The following SNX2 variants were observed in gnomAD, a reference collection of about 807,000 sequenced individuals.
SNX2 encodes sorting nexin 2.
Under a neutral mutation model 69.9 loss-of-function variants are expected in SNX2, and 25 were observed. That is an observed-to-expected ratio of 0.36 (90% CI 0.26 to 0.50). The LOEUF (loss-of-function observed/expected upper bound fraction) is 0.50. SNX2 is among the 20% of genes least tolerant of loss of function. The pLI, the probability that SNX2 is intolerant of heterozygous loss-of-function variation, is 0.97. For synonymous variants in SNX2, 229 were observed against 200.4 expected (o/e 1.14, Z -1.20); for missense variants, 551 against 613.3 (o/e 0.90, Z 1.07).
chr5:122,790,717 G>C (rs530985487), intron 1 of SNX2, among the ~76,000 whole-genome samples: 1 of 152,318 alleles, frequency 6.6e-6, no homozygotes, highest in African/African-American at 2.4e-5. Flanking sequence ...GTAGAAGATA[G>C]GGGAATTGGC....
In SNX2 at chr5:122,808,460, A is replaced by G. The variant is rs1581638439; in HGVS notation, c.722+105A>G. 5.2e-6 allele frequency: 4 copies of G among 772,184 alleles called. 1 individual carries two copies. The highest frequency in any genetic ancestry group is 2.8e-4 in the Middle Eastern group (1 of 3,510). 47.8% of individuals were successfully genotyped at this position (772,184 alleles called of 1,614,324 possible). A position where few individuals can be genotyped will look rare whatever the true frequency, so the allele number is the denominator to read the frequency against. Reference sequence around the variant, plus strand: ...TGTTTTAATGATTAAATTTTTTCCAAAGTACCACTTGGTGGCTTTTAAGAC... The same window carrying G: ...TGTTTTAATGATTAAATTTTTTCCAGAGTACCACTTGGTGGCTTTTAAGAC... On this transcript the variant is annotated intron_variant, in intron 7 of 14. Transcript: ENST00000379516.
At chr5:122,782,331 C>T (rs913129013) in intron 1 of SNX2, among the ~76,000 whole-genome samples, 20 of 151,620 alleles carry the variant, frequency 1.3e-4, no homozygotes, top group East Asian at 7.7e-4. Context: ...CTCCACCTCC[C>T]GGGTTCAAAA....
intron 11 of SNX2, among the ~76,000 whole-genome samples, chr5:122,822,516 ATAGT>A (rs1754047081): frequency 6.6e-6 from 1 of 152,194 alleles, no homozygotes; most frequent in Non-Finnish European, 1.5e-5. Context: ...TTTTCTGATG[ATAGT>A]TCTTCAAATT....
At chr5:122,801,690 T>TGTGTGTGTGTGTGTGTGTG (rs1554062722) in intron 3 of SNX2, among the ~76,000 whole-genome samples, 179 bp from the exon 4 acceptor site, 2 of 150,452 alleles carry the variant, frequency 1.3e-5, no homozygotes, top group African/African-American at 4.9e-5. Context: ...TGTGTGTGTG[T>TGTGTGTGTGTGTGTGTGTG]TTTATTTATA....
chr5:122,806,142 G>GCGCACGCGCGCGCA, intron 6 of SNX2, among the ~76,000 whole-genome samples: 1 of 130,584 alleles, frequency 7.7e-6, no homozygotes, highest in African/African-American at 2.9e-5. Context: ...ACACGCGCGC[G>GCGCACGCGCGCGCA]CACACACACA....
chr5:122,785,647 G>A (rs956643739), intron 1 of SNX2, among the ~76,000 whole-genome samples: 12 of 152,108 alleles, frequency 7.9e-5, no homozygotes, highest in Non-Finnish European at 1.5e-4. Context: ...TGATCTATGA[G>A]TTATTTAGAA....
rs1223902644 is a variant in SNX2 at position 122,803,357 on chromosome 5, C to T, written c.502-115C>T. On this transcript the variant is annotated intron_variant, in intron 5 of 14. Coordinates refer to ENST00000379516, the MANE Select transcript of SNX2 (RefSeq NM_003100.4). ...ACCTATATACCACATTAGTTAGATA[C>T]TCTGCATTCTTTTGCAAAGTAGATA... The T allele has an allele frequency of 4.3e-6, 4 of 928,732 alleles. No homozygotes were observed. In the East Asian group the frequency reaches 1.1e-4, roughly 25 times the overall value. 57.5% of individuals were successfully genotyped at this position (928,732 alleles called of 1,614,324 possible).
intron 7 of SNX2, among the ~76,000 whole-genome samples, chr5:122,810,312 A>T (rs936883899): frequency 2.0e-5 from 3 of 146,820 alleles, no homozygotes; most frequent in African/African-American, 7.7e-5. Flanking sequence ...ACCTTTGTTC[A>T]CTTGTTTATC....
intron 10 of SNX2, among the ~76,000 whole-genome samples, chr5:122,817,726 T>G (rs552685507): frequency 3.0e-4 from 45 of 152,274 alleles, no homozygotes; most frequent in Middle Eastern, 3.4e-3. Flanking sequence ...AGAGGTCTTA[T>G]CAATTAGTAA....
chr5:122,824,268 T>TA (rs1354088745), intron 11 of SNX2, among the ~76,000 whole-genome samples: 1 of 151,394 alleles, frequency 6.6e-6, no homozygotes, highest in Non-Finnish European at 1.5e-5. Context: ...AGCTCATCAC[T>TA]TAGTGTTAGT....
chr5:122,792,884 A>G (rs1208324898), intron 1 of SNX2, among the ~76,000 whole-genome samples: 1 of 152,212 alleles, frequency 6.6e-6, no homozygotes, highest in African/African-American at 2.4e-5. Context: ...ATTGCTCACC[A>G]TCATTACTTA....
At chr5:122,811,908 A>G (rs10057936) in intron 7 of SNX2, among the ~76,000 whole-genome samples, 60,559 of 151,908 alleles carry the variant, frequency 0.4, 12,652 homozygotes, top group African/African-American at 0.49. Flanking sequence ...TAAAAATCCA[A>G]CTGGCCTAAA....
chr5:122,780,429 T>A (rs1197701906), intron 1 of SNX2, among the ~76,000 whole-genome samples: 1 of 152,152 alleles, frequency 6.6e-6, no homozygotes, highest in Admixed American at 6.5e-5. Context: ...TTTGAGGCCC[T>A]GAAAGTGGTT....
In SNX2 at chr5:122,799,749, A is replaced by G. The variant is rs141745241; in HGVS notation, c.284A>G (p.Glu95Gly). The G allele has an allele frequency of 7.4e-4, 1,195 of 1,613,600 alleles. 1 individual carries two copies. The highest frequency in any genetic ancestry group is 9.6e-4 in the Non-Finnish European group (1,135 of 1,179,668). Reference protein sequence around the residue: ...SPEREPILSSEPSPAVTPVTP... With the variant: ...SPEREPILSSGPSPAVTPVTP... ...GAAAGGGAACCTATCCTATCCTCGG[A>G]ACCTTCTCCTGCAGTCACACCTGTC... is the stretch of plus-strand genomic sequence containing the variant. The change falls in exon 3 of 15, where the codon GAA (glutamate) becomes GGA (glycine). Residue 95 changes from glutamate (E) to glycine (G), a missense_variant. Glu to Gly is a moderately conservative substitution (Grantham distance 98). Transcript: ENST00000379516.
At chr5:122,814,515 C>T (rs1753856841) in intron 7 of SNX2, among the ~76,000 whole-genome samples, 1 of 152,034 alleles carries the variant, frequency 6.6e-6, no homozygotes, top group Non-Finnish European at 1.5e-5. Context: ...CAGAAGTTAA[C>T]ATTTTGATAC....
intron 1 of SNX2, among the ~76,000 whole-genome samples, chr5:122,780,758 C>T (rs918925791): frequency 2.0e-5 from 3 of 151,714 alleles, no homozygotes; most frequent in East Asian, 1.9e-4. Flanking sequence ...TTAGTGGAGA[C>T]GAGGTTTCAC....
Position 122,833,136 on chromosome 5 carries a change from T to A in SNX2, c.*3488T>A, listed in dbSNP as rs1754330147. On this transcript the variant is annotated 3_prime_UTR_variant, in exon 15 of 15. Transcript: ENST00000379516. ...CCTCCCTTCGACACACACTTCCTTA[T>A]GTAAAATCAGAATCAAATAATTATC... is the stretch of plus-strand genomic sequence containing the variant. 6.6e-6 allele frequency: 1 copy of A among 152,188 alleles called. No individual in the cohort carries two copies. The highest frequency in any genetic ancestry group is 1.5e-5 in the Non-Finnish European group (1 of 68,048). The allele number at this position is 152,188 out of a possible 1,614,324, so 9.4% of individuals were successfully genotyped here.
chr5:122,831,916 T>G lies in SNX2; in HGVS notation c.*2268T>G, dbSNP rs1486964518. 6.6e-6 allele frequency among the ~76,000 whole-genome samples: 1 copy of G among 152,188 alleles called. No individual in the cohort carries two copies. The highest frequency in any genetic ancestry group is 1.5e-5 in the Non-Finnish European group (1 of 68,026). On this transcript the variant is annotated 3_prime_UTR_variant, in exon 15 of 15. Transcript: ENST00000379516. ...TCCCTTGCCCACATTTACTAAAAGA[T>G]GAGTGTGCTGGAAATTTCAAGTATT...
At chr5:122,805,387 A>C (rs1753619628) in intron 6 of SNX2, among the ~76,000 whole-genome samples, 1 of 151,948 alleles carries the variant, frequency 6.6e-6, no homozygotes, top group Admixed American at 6.6e-5. Flanking sequence ...GGCCTCCCAA[A>C]GTGGTGGGAT....
Sources: allele counts gnomAD v4.1 joint callset (sites outside exome capture counted in the v4.1 genomes callset), GRCh38; gene constraint gnomAD v4.1.1; transcripts MANE v1.5; gene names NCBI Gene and HGNC (gene_info 2026-07-23, HGNC 2026-07-21).